PRDX2: variants seen among roughly 807,000 people sequenced by gnomAD.
PRDX2 encodes peroxiredoxin-2.
PRDX2 carries 10 observed loss-of-function variants against 19.8 expected under a neutral mutation model. The observed-to-expected ratio is 0.50, with a 90% CI of 0.31 to 0.86. The LOEUF is 0.86. PRDX2 is among the 40% of genes least tolerant of loss of function. PRDX2 has a pLI of 0.04. For synonymous variants in PRDX2, 118 were observed against 108.2 expected (o/e 1.09, Z -0.56); for missense variants, 226 against 260.1 (o/e 0.87, Z 0.90).
rs1968803358 is a variant in PRDX2 at position 12,797,123 on chromosome 19, G to A, written c.555C>T (p.Pro185=). Reference sequence around the variant, plus strand: ...AATATTCCTTGCTGTCATCCACGTTGGGCTTAATCGTGTCACTGCCAGGCT... The same window carrying A: ...AATATTCCTTGCTGTCATCCACGTTAGGCTTAATCGTGTCACTGCCAGGCT... ...GWKPGSDTIK[P]NVDDSKEYFS... The change falls in exon 6 of 6, where the codon CCC becomes CCT. Residue 185 remains proline, a synonymous_variant. Coordinates refer to ENST00000301522, the MANE Select transcript of PRDX2 (RefSeq NM_005809.6). The A allele has an allele frequency of 6.2e-7, 1 of 1,614,038 alleles. No individual in the cohort carries two copies. Among genetic ancestry groups the A allele is most frequent in the African/African-American group, 1.3e-5 (1 of 74,922 alleles).
In PRDX2 at chr19:12,796,985, T is replaced by C; in HGVS notation, c.*96A>G. On this transcript the variant is annotated 3_prime_UTR_variant, in exon 6 of 6. Coordinates refer to ENST00000301522, the MANE Select transcript of PRDX2 (RefSeq NM_005809.6). ...GAGTTTGGAGGGGCAGGTCTGGCCT[T>C]TCCTGGGTCAGCATAGGGCACCCAG... 2 of 1,290,666 alleles carry C rather than the reference T, an allele frequency of 1.5e-6. No individual in the cohort carries two copies. The highest frequency in any genetic ancestry group is 2.2e-6 in the Non-Finnish European group (2 of 908,658). The allele number at this position is 1,290,666 out of a possible 1,614,324, so 80.0% of individuals were successfully genotyped here.
Position 12,801,235 on chromosome 19 carries a change from T to A in PRDX2, c.27A>T (p.Gly9=). Residue 9 remains glycine (G), a synonymous_variant, in exon 2 of 6, where the codon GGA becomes GGT. Transcript: ENST00000301522. MASGNARI[G]KPAPDFKATA... Reference sequence around the variant, plus strand: ...TGGCCTTGAAGTCAGGGGCTGGCTTTCCGATGCGCGCGTTACCGGAGGCCA... The same window carrying A: ...TGGCCTTGAAGTCAGGGGCTGGCTTACCGATGCGCGCGTTACCGGAGGCCA... 6.2e-7 allele frequency: 1 copy of A among 1,613,778 alleles called. No individual in the cohort carries two copies. The highest frequency in any genetic ancestry group is 8.5e-7 in the Non-Finnish European group (1 of 1,179,918).
intron 4 of PRDX2, 47 bp from the exon 5 acceptor site, chr19:12,800,036 C>T (rs1968860315): frequency 1.2e-6 from 2 of 1,608,066 alleles, no homozygotes; most frequent in Admixed American, 1.7e-5. Context: ...CTCCCACTGC[C>T]AGAGACAAGG....
intron 3 of PRDX2, 58 bp downstream of exon 3, chr19:12,800,858 G>A: frequency 6.4e-7 from 1 of 1,561,830 alleles, no homozygotes; most frequent in Non-Finnish European, 8.7e-7. Flanking sequence ...AAGCCACACT[G>A]CTAGGACCTG....
At position 12,801,212 on chromosome 19, in the gene PRDX2, G is replaced by T. The variant is rs1172362453; in HGVS notation, c.50C>A (p.Ala17Asp). ...RIGKPAPDFKATAVVDGAFKE... is the reference protein window; with the variant it reads ...RIGKPAPDFKDTAVVDGAFKE... ...GAAGGCGCCATCAACCACCGCTGTG[G>T]CCTTGAAGTCAGGGGCTGGCTTTCC... The change falls in exon 2 of 6, where the codon GCC becomes GAC. Residue 17 changes from alanine to aspartate, a missense_variant. Transcript: ENST00000301522. 2 of 1,613,950 alleles carry T rather than the reference G, an allele frequency of 1.2e-6. No homozygotes were observed. The highest frequency in any genetic ancestry group is 2.7e-5 in the African/African-American group (2 of 74,948).
intron 5 of PRDX2, among the ~76,000 whole-genome samples, chr19:12,799,091 C>G (rs10407474): frequency 0.07 from 10,669 of 151,762 alleles, 635 homozygotes; most frequent in African/African-American, 0.16. Flanking sequence ...AGCAGAGACG[C>G]GGTTTCACTA....
At chr19:12,801,291 G>A in intron 1 of PRDX2, 21 bp from the exon 2 acceptor site, 2 of 1,590,196 alleles carry the variant, frequency 1.3e-6, no homozygotes, top group Non-Finnish European at 8.6e-7. Flanking sequence ...CGCCCGGTCA[G>A]TGCGCCCGGG....
chr19:12,800,239 G>A lies in PRDX2; in HGVS notation c.318C>T (p.Asp106=), dbSNP rs768354086. Reference sequence around the variant, plus strand: ...AATCCTCAGACAAGCGTCTGGTCACGTCAGCAAGCAGGGGGATGTTCAGGG... The same window carrying A: ...AATCCTCAGACAAGCGTCTGGTCACATCAGCAAGCAGGGGGATGTTCAGGG... ...LGPLNIPLLA[D]VTRRLSEDYG... The change falls in exon 4 of 6, where the codon GAC becomes GAT. Residue 106 remains aspartate, a synonymous_variant. Coordinates refer to ENST00000301522, the MANE Select transcript of PRDX2 (RefSeq NM_005809.6). 1.8e-5 allele frequency: 29 copies of A among 1,613,758 alleles called. No individual in the cohort carries two copies. In the South Asian group the frequency reaches 2.7e-4, roughly 15 times the overall value.
At chr19:12,800,772 A>C (rs1257802078) in intron 3 of PRDX2, 144 bp downstream of exon 3, 1 of 1,542,880 alleles carries the variant, frequency 6.5e-7, no homozygotes, top group African/African-American at 1.4e-5. Flanking sequence ...CATCATCCTT[A>C]AAGACTTGGG....
intron 5 of PRDX2, among the ~76,000 whole-genome samples, chr19:12,798,335 G>A (rs554203876): frequency 1.3e-4 from 19 of 149,094 alleles, no homozygotes; most frequent in South Asian, 4.2e-4. Context: ...ATGAGCCACC[G>A]TGCCCGGCCT....
At chr19:12,799,006 C>T (rs1968842969) in intron 5 of PRDX2, among the ~76,000 whole-genome samples, 1 of 151,306 alleles carries the variant, frequency 6.6e-6, no homozygotes, top group African/African-American at 2.4e-5. Context: ...TCAAGGGAGT[C>T]TCCTGCCTCA....
intron 3 of PRDX2, 197 bp from the exon 4 acceptor site, chr19:12,800,496 G>A: frequency 1.2e-6 from 1 of 816,178 alleles, no homozygotes; most frequent in Non-Finnish European, 1.9e-6. Flanking sequence ...AGTTTGAGAG[G>A]CACAGCTCCA....
chr19:12,798,601 T>C (rs905470604), intron 5 of PRDX2, among the ~76,000 whole-genome samples: 1 of 148,422 alleles, frequency 6.7e-6, no homozygotes, highest in Non-Finnish European at 1.5e-5. Flanking sequence ...TCCACCCACC[T>C]AGGCCTCCCA....
chr19:12,799,222 G>A (rs1470753502), intron 5 of PRDX2, among the ~76,000 whole-genome samples: 1 of 151,904 alleles, frequency 6.6e-6, no homozygotes, highest in Non-Finnish European at 1.5e-5. Flanking sequence ...TTTTGAGACA[G>A]GGTCTTGCTG....
At chr19:12,800,396 A>G in intron 3 of PRDX2, 97 bp from the exon 4 acceptor site, 1 of 1,482,602 alleles carries the variant, frequency 6.7e-7, no homozygotes, top group Non-Finnish European at 9.1e-7. Context: ...GAGGCCGGAG[A>G]TAAGGGGCTT....
At chr19:12,797,648 CTTTCTTTCTTTTTTT>C (rs1968814705) in intron 5 of PRDX2, among the ~76,000 whole-genome samples, 1 of 134,638 alleles carries the variant, frequency 7.4e-6, no homozygotes, top group Admixed American at 7.6e-5. Context: ...CTTCTTTTTT[CTTTCTTTCTTTTTTT>C]TTTTTTTTTT....
rs557283855 is a variant in PRDX2, at chr19:12,796,867, G to A, written c.*214C>T. The A allele has an allele frequency of 3.9e-5, 22 of 568,582 alleles. 1 individual carries two copies. Among genetic ancestry groups the A allele is most frequent in the South Asian group, 4.5e-5 (2 of 44,532 alleles). The allele number at this position is 568,582 out of a possible 1,614,324, so 35.2% of individuals were successfully genotyped here. On this transcript the variant is annotated 3_prime_UTR_variant, in exon 6 of 6. Coordinates refer to ENST00000301522, the MANE Select transcript of PRDX2 (RefSeq NM_005809.6). ...ATTGGTTACCTCTAGGCCTGTGTGC[G>A]GCTGGGTGGGCTTGGGGGAGGGCGT...
intron 3 of PRDX2, 91 bp from the exon 4 acceptor site, chr19:12,800,390 C>G: frequency 1.3e-6 from 2 of 1,502,086 alleles, no homozygotes; most frequent in Admixed American, 4.1e-5. Context: ...GCACTGGAGG[C>G]CGGAGATAAG....
chr19:12,800,485 G>A, intron 3 of PRDX2, 186 bp from the exon 4 acceptor site: 1 of 844,516 alleles, frequency 1.2e-6, no homozygotes, highest in Non-Finnish European at 1.8e-6. Flanking sequence ...TGGGAAGACT[G>A]AGTTTGAGAG....
Sources: gnomAD v4.1 joint callset for allele counts (sites outside exome capture counted in the v4.1 genomes callset) on GRCh38, gnomAD v4.1.1 for gene constraint, MANE v1.5 for transcripts, NCBI Gene and HGNC (gene_info 2026-07-23, HGNC 2026-07-21) for gene names.